GALNT13: variants seen among roughly 807,000 people sequenced by gnomAD.
The protein encoded by GALNT13 is UDP-GalNAc:polypeptide N-acetylgalactosaminyltransferase 13.
GALNT13 carries 28 observed loss-of-function variants against 64.2 expected under a neutral mutation model. The ratio of observed to expected loss-of-function variants is 0.44; its 90% CI spans 0.32 to 0.60. The LOEUF is 0.60. Among genes scored for constraint, GALNT13 ranks in the 20% least tolerant of loss-of-function variants. The pLI is 0.05. For synonymous variants in GALNT13, 214 were observed against 224.6 expected (o/e 0.95, Z 0.42); for missense variants, 577 against 669.8 (o/e 0.86, Z 1.53).
the GALNT13 span, among the ~76,000 whole-genome samples, chr2:153,363,525 A>G: frequency 2.6e-5 from 4 of 152,178 alleles, no homozygotes; most frequent in Non-Finnish European, 5.9e-5. Flanking sequence ...AGAATCAAAT[A>G]GACATAATAA....
chr2:154,343,831 T>C (rs1279946415), intron 9 of GALNT13, among the ~76,000 whole-genome samples: 2 of 152,086 alleles, frequency 1.3e-5, no homozygotes, highest in Non-Finnish European at 2.9e-5. Context: ...TTTAAAAAAC[T>C]TTATGAGCTA....
chr2:154,433,971 T>G (rs773973856), intron 11 of GALNT13, among the ~76,000 whole-genome samples: 1 of 152,180 alleles, frequency 6.6e-6, no homozygotes, highest in Non-Finnish European at 1.5e-5. Flanking sequence ...TGCCCTAATC[T>G]AATGTAACTG....
the GALNT13 span, among the ~76,000 whole-genome samples, chr2:153,534,960 T>C: frequency 0.58 from 88,665 of 151,754 alleles, 28,880 homozygotes; most frequent in African/African-American, 0.86. Flanking sequence ...TTCCTGACTT[T>C]TTATATTAAT....
intron 4 of GALNT13, among the ~76,000 whole-genome samples, chr2:154,227,341 T>A (rs1018551514): frequency 6.6e-6 from 1 of 151,044 alleles, no homozygotes; most frequent in African/African-American, 2.4e-5. Flanking sequence ...TTCTTTTTTT[T>A]TATTATACTT....
At chr2:153,251,015 C>T in the GALNT13 span, among the ~76,000 whole-genome samples, 1 of 152,134 alleles carries the variant, frequency 6.6e-6, no homozygotes, top group Non-Finnish European at 1.5e-5. Flanking sequence ...GCACATTCTG[C>T]ACATGTATCC....
chr2:153,086,134 G>T, the GALNT13 span, among the ~76,000 whole-genome samples: 8 of 152,326 alleles, frequency 5.3e-5, no homozygotes, highest in Admixed American at 5.2e-4. Flanking sequence ...TTTATCCAAA[G>T]CCTGTACTCT....
chr2:153,957,790 A>G (rs561701198), intron 3 of GALNT13, among the ~76,000 whole-genome samples: 38 of 152,190 alleles, frequency 2.5e-4, no homozygotes, highest in African/African-American at 8.9e-4. Context: ...GCCCTGAGAT[A>G]GTTCTCTAAC....
the GALNT13 span, among the ~76,000 whole-genome samples, chr2:153,175,091 C>A: frequency 3.9e-5 from 6 of 152,130 alleles, no homozygotes; most frequent in Non-Finnish European, 8.8e-5. Context: ...CATTCCCCTT[C>A]TGATATTTTC....
chr2:154,051,376 C>T (rs1415029749), intron 3 of GALNT13, among the ~76,000 whole-genome samples: 7 of 150,220 alleles, frequency 4.7e-5, no homozygotes, highest in East Asian at 2.0e-4. Flanking sequence ...CTGCAAGCTC[C>T]GCTTCCCGGG....
the GALNT13 span, among the ~76,000 whole-genome samples, chr2:153,665,667 T>C: frequency 6.6e-6 from 1 of 152,140 alleles, no homozygotes; most frequent in Admixed American, 6.5e-5. Flanking sequence ...AGAGAGAAGC[T>C]GGAAGCCCTG....
intron 3 of GALNT13, among the ~76,000 whole-genome samples, chr2:154,128,095 G>A (rs1467706810): frequency 6.6e-6 from 1 of 151,940 alleles, no homozygotes; most frequent in African/African-American, 2.4e-5. Context: ...AAAAGGCCAG[G>A]GTATGTTTGA....
the GALNT13 span, among the ~76,000 whole-genome samples, chr2:153,816,902 C>T: frequency 6.6e-6 from 1 of 152,094 alleles, no homozygotes; most frequent in Non-Finnish European, 1.5e-5. Flanking sequence ...CAAGGTCACA[C>T]GTTATGCAGA....
chr2:153,158,554 C>T, the GALNT13 span, among the ~76,000 whole-genome samples: 5 of 152,058 alleles, frequency 3.3e-5, no homozygotes, highest in Non-Finnish European at 7.4e-5. Context: ...AGGATTCAAG[C>T]AGAGAAACAG....
At chr2:154,025,906 G>A (rs1013977724) in intron 3 of GALNT13, among the ~76,000 whole-genome samples, 3 of 152,128 alleles carry the variant, frequency 2.0e-5, no homozygotes, top group Non-Finnish European at 4.4e-5. Context: ...GAGGATACAT[G>A]TGAAGTAGCA....
chr2:153,269,062 C>T, the GALNT13 span, among the ~76,000 whole-genome samples: 1 of 152,196 alleles, frequency 6.6e-6, no homozygotes, highest in Non-Finnish European at 1.5e-5. Flanking sequence ...TAACATTTGG[C>T]TCTTTGTTAC....
chr2:154,180,743 T>C (rs1685916957), intron 4 of GALNT13, among the ~76,000 whole-genome samples: 1 of 152,158 alleles, frequency 6.6e-6, no homozygotes, highest in African/African-American at 2.4e-5. Flanking sequence ...TATTTTATGG[T>C]AGTTGTTTTA....
At chr2:153,145,640 C>T in the GALNT13 span, among the ~76,000 whole-genome samples, 1 of 151,780 alleles carries the variant, frequency 6.6e-6, no homozygotes, top group South Asian at 2.1e-4. Context: ...TGGATTAGGT[C>T]CAAGTCCAAC....
intron 2 of GALNT13, among the ~76,000 whole-genome samples, chr2:153,941,885 A>C (rs1691363477): frequency 6.6e-6 from 1 of 152,188 alleles, no homozygotes; most frequent in Admixed American, 6.6e-5. Context: ...TGATATAGTT[A>C]GAATTCTTTC....
At chr2:153,493,804 T>C in the GALNT13 span, among the ~76,000 whole-genome samples, 2 of 151,996 alleles carry the variant, frequency 1.3e-5, no homozygotes, top group Non-Finnish European at 2.9e-5. Flanking sequence ...AAGTAGGGTT[T>C]ATCCCAGTAA....
Sources: gnomAD v4.1 joint callset for allele counts (sites outside exome capture counted in the v4.1 genomes callset) on GRCh38, gnomAD v4.1.1 for gene constraint, MANE v1.5 for transcripts, NCBI Gene and HGNC (gene_info 2026-07-23, HGNC 2026-07-21) for gene names.